ELN: variants seen among roughly 807,000 people sequenced by gnomAD.
ELN encodes tropoelastin.
ELN carries 65 observed loss-of-function variants against 105.8 expected under a neutral mutation model. The ratio of observed to expected loss-of-function variants is 0.61; its 90% CI spans 0.50 to 0.75. ELN has a LOEUF of 0.75. Among genes scored for constraint, ELN ranks in the 30% least tolerant of loss-of-function variants. ELN has a pLI of 0.00. For missense variants in ELN, 882 were observed against 969.4 expected (o/e 0.91, Z 1.20); for synonymous variants, 368 against 389.2 (o/e 0.95, Z 0.64).
chr7:74,042,766 T>G, intron 6 of ELN, 60 bp downstream of exon 6: 1 of 1,595,876 alleles, frequency 6.3e-7, no homozygotes, highest in Non-Finnish European at 8.5e-7. Context: ...GCCCTCCGCT[T>G]TGCAAAGAAC....
intron 22 of ELN, among the ~76,000 whole-genome samples, chr7:74,058,138 CTCT>C (rs782710298): frequency 2.1e-4 from 31 of 147,330 alleles, no homozygotes; most frequent in African/African-American, 4.8e-4. Context: ...CTTCTCCTTC[CTCT>C]TCTTCTCCTC....
At chr7:74,040,902 G>C (rs372705997) in intron 4 of ELN, among the ~76,000 whole-genome samples, 2 of 152,082 alleles carry the variant, frequency 1.3e-5, no homozygotes, top group Non-Finnish European at 2.9e-5. Context: ...TCTCGCTCAC[G>C]GACTCTGCTC....
intron 5 of ELN, among the ~76,000 whole-genome samples, chr7:74,041,991 C>T (rs1222097320): frequency 6.6e-6 from 1 of 151,498 alleles, no homozygotes; most frequent in Non-Finnish European, 1.5e-5. Context: ...CCACTCACCT[C>T]GGCCTCCCAA....
intron 19 of ELN, among the ~76,000 whole-genome samples, chr7:74,055,470 T>A (rs1339934314): frequency 2.6e-5 from 4 of 151,854 alleles, no homozygotes; most frequent in African/African-American, 9.7e-5. Context: ...ATTTTAATTT[T>A]TTTTTCTTTT....
At chr7:74,042,792 G>T in intron 6 of ELN, 86 bp downstream of exon 6, 1 of 1,565,142 alleles carries the variant, frequency 6.4e-7, no homozygotes, top group Non-Finnish European at 8.7e-7. Context: ...CTCAACTCAG[G>T]CTTGGGAGCC....
intron 15 of ELN, among the ~76,000 whole-genome samples, chr7:74,048,807 C>G (rs1793172522): frequency 6.6e-6 from 1 of 151,854 alleles, no homozygotes; most frequent in South Asian, 2.1e-4. Flanking sequence ...ATGCATCCAT[C>G]TATCCATCCA....
chr7:74,043,425 G>A (rs1263434028), intron 8 of ELN: 2 of 709,794 alleles, frequency 2.8e-6, no homozygotes, highest in South Asian at 3.0e-5. Context: ...GGCGACAGAT[G>A]GGGAAACTGA....
Position 74,057,623 on chromosome 7 carries a change from T to G in ELN, c.1358-17T>G. The G allele has an allele frequency of 1.2e-6, 2 of 1,614,022 alleles. No individual in the cohort carries two copies. Among genetic ancestry groups the G allele is most frequent in the Non-Finnish European group, 1.7e-6 (2 of 1,179,968 alleles). ...TGTGAGAGATTACTCTCTCACCCCTTCTCTTCACACCTCCAGGAGTGGGGA... is the reference window on the plus strand; with the variant it reads ...TGTGAGAGATTACTCTCTCACCCCTGCTCTTCACACCTCCAGGAGTGGGGA... On this transcript the variant is annotated splice_polypyrimidine_tract_variant and intron_variant, in intron 21 of 32. Transcript: ENST00000252034.
rs782359120 is a variant in ELN, at chr7:74,042,990, G to A, written c.332G>A (p.Gly111Glu). ...AAYKAAKAGAGLGGVPGVGGL... is the reference protein window; with the variant it reads ...AAYKAAKAGAELGGVPGVGGL... ...ACCTGTCCTGGCTCTGCAGGCGCTG[G>A]GCTTGGTGGTGTCCCAGGAGTTGGT... Residue 111 changes from glycine to glutamate, a missense_variant, in exon 7 of 33, where the codon GGG becomes GAG. By Grantham distance (98) the Gly-to-Glu change is moderately conservative (BLOSUM62 -2). Transcript: ENST00000252034. The A allele has an allele frequency of 6.2e-7, 1 of 1,614,174 alleles. No homozygotes were observed.
At chr7:74,046,619 G>A in intron 11 of ELN, 77 bp from the exon 12 acceptor site, 1 of 1,504,782 alleles carries the variant, frequency 6.6e-7, no homozygotes. Context: ...CCTTCTGTCT[G>A]AGCAGAAAGT....
chr7:74,033,839 A>T (rs1554663939), intron 1 of ELN, among the ~76,000 whole-genome samples: 1 of 152,142 alleles, frequency 6.6e-6, no homozygotes, highest in Non-Finnish European at 1.5e-5. Flanking sequence ...CAGCAAAAGC[A>T]GTAAGGGAGG....
In ELN at chr7:74,063,411, G is replaced by T. The variant is rs782786948; in HGVS notation, c.1918+42G>T. 4 of 1,544,876 alleles carry T rather than the reference G, an allele frequency of 2.6e-6. No individual in the cohort carries two copies. The East Asian group carries it at 9.8e-5, about 38-fold the overall frequency. On this transcript the variant is annotated intron_variant, in intron 28 of 32. Transcript: ENST00000252034. This position sits in a 1 kb window ranked among gnomAD's most constrained non-coding sequence, Gnocchi z 4.1. ...GGTGGGAGCTGCCGCCAGGCCCCCA[G>T]GCCCCCAGGGTGTGGGAGGAGCTTC...
chr7:74,064,421 A>AT (rs1554687708), intron 29 of ELN, among the ~76,000 whole-genome samples: 124 of 115,294 alleles, frequency 1.1e-3, no homozygotes, highest in Admixed American at 2.5e-3. Context: ...TCTCAAAAAA[A>AT]AAATATATAT....
chr7:74,035,198 A>C (rs1789616101), intron 1 of ELN, among the ~76,000 whole-genome samples, 166 bp from the exon 2 acceptor site: 1 of 152,260 alleles, frequency 6.6e-6, no homozygotes, highest in Admixed American at 6.5e-5. Context: ...TTGTAAACAG[A>C]AACTGCTCTG....
At chr7:74,033,717 C>T (rs900724466) in intron 1 of ELN, among the ~76,000 whole-genome samples, 2 of 152,230 alleles carry the variant, frequency 1.3e-5, no homozygotes, top group African/African-American at 4.8e-5. Context: ...AGCTGTGCAG[C>T]GTCGCCAGGC....
At chr7:74,058,652 G>A (rs1004174926) in intron 22 of ELN, among the ~76,000 whole-genome samples, 5 of 152,152 alleles carry the variant, frequency 3.3e-5, no homozygotes, top group African/African-American at 4.8e-5. Context: ...CACCACACCC[G>A]GCCTGCAGTA....
chr7:74,045,564 C>A (rs1483663854), intron 10 of ELN, among the ~76,000 whole-genome samples: 1 of 151,656 alleles, frequency 6.6e-6, no homozygotes, highest in Non-Finnish European at 1.5e-5. Context: ...CATAGCAAGA[C>A]CTTATCTCTA....
chr7:74,058,861 A>C (rs1795964701), intron 22 of ELN, among the ~76,000 whole-genome samples: 1 of 152,198 alleles, frequency 6.6e-6, no homozygotes, highest in African/African-American at 2.4e-5. Context: ...CTAGGACTGA[A>C]TAGGCCAGAG....
At position 74,063,438 on chromosome 7, in the gene ELN, G is replaced by A. The variant is rs1797167523; in HGVS notation, c.1918+69G>A. ...CCCCCAGGGTGTGGGAGGAGCTTCT[G>A]ACCAGGCACTGTAGACTCAGAGTCC... On this transcript the variant is annotated intron_variant, in intron 28 of 32. Coordinates refer to ENST00000252034, the MANE Select transcript of ELN (RefSeq NM_000501.4). The surrounding 1 kb of genome is among the most constrained non-coding windows in gnomAD (Gnocchi z 4.1). The A allele has an allele frequency of 6.4e-7, 1 of 1,554,740 alleles. No homozygotes were observed.
Sources: gnomAD v4.1 joint callset for allele counts (sites outside exome capture counted in the v4.1 genomes callset) on GRCh38, gnomAD v4.1.1 for gene constraint, Gnocchi (gnomAD v3.1) non-coding constraint, MANE v1.5 for transcripts, NCBI Gene and HGNC (gene_info 2026-07-23, HGNC 2026-07-21) for gene names.